Variants in TBCK observed in about 807,000 individuals in gnomAD.
TBCK encodes the protein TBC domain-containing protein kinase-like protein.
Under a neutral mutation model 113.4 loss-of-function variants are expected in TBCK, and 99 were observed. That is an observed-to-expected ratio of 0.87 (90% CI 0.74 to 1.03). TBCK has a LOEUF of 1.03. Among genes scored for constraint, TBCK ranks in the 50% least tolerant of loss-of-function variants. The pLI, the probability that TBCK is intolerant of heterozygous loss-of-function variation, is 0.00. For missense variants in TBCK, 1,045 were observed against 1,061.3 expected, an observed-to-expected ratio of 0.98 and a Z score of 0.21; for synonymous variants, 369 against 370.8, an observed-to-expected ratio of 1.00 and a Z score of 0.05.
intron 22 of TBCK, among the ~76,000 whole-genome samples, chr4:106,176,537 AATTC>A (rs1404100876): frequency 6.6e-6 from 1 of 152,000 alleles, no homozygotes; most frequent in Non-Finnish European, 1.5e-5. Context: ...GCTGAATGGT[AATTC>A]ATTGTGTTTT....
chr4:106,092,861 G>T (rs781083741), intron 25 of TBCK, among the ~76,000 whole-genome samples: 1 of 152,210 alleles, frequency 6.6e-6, no homozygotes, highest in Non-Finnish European at 1.5e-5. Flanking sequence ...CGAGCTGAAG[G>T]GCTCCTCAAG....
intron 2 of TBCK, among the ~76,000 whole-genome samples, chr4:106,308,258 T>C (rs1312724958): frequency 6.6e-6 from 1 of 152,136 alleles, no homozygotes; most frequent in Non-Finnish European, 1.5e-5. Context: ...AAGGTCCTTA[T>C]CCTCAAGAAC....
rs1348999663 is a variant in TBCK at position 106,043,732 on chromosome 4, T to C, written c.*2838A>G. ...AAGAGTTAATAAGTGTGTTTATGAA[T>C]GTGAGTGTGTGTGTGTGTGTGTGTG... is the stretch of plus-strand genomic sequence containing the variant. On this transcript the variant is annotated 3_prime_UTR_variant, in exon 26 of 26. Transcript: ENST00000394708. 1.5e-5 allele frequency: 2 copies of C among 137,664 alleles called. No homozygotes were observed. The highest frequency in any genetic ancestry group is 2.7e-5 in the African/African-American group (1 of 37,242). 8.5% of individuals were successfully genotyped at this position (137,664 alleles called of 1,614,324 possible). A position where few individuals can be genotyped will look rare whatever the true frequency, so the allele number is the denominator to read the frequency against.
chr4:106,177,442 A>G (rs1751810439), intron 22 of TBCK, among the ~76,000 whole-genome samples: 1 of 151,806 alleles, frequency 6.6e-6, no homozygotes, highest in Admixed American at 6.6e-5. Context: ...CATTTCCACA[A>G]CGTGGTCTAG....
intron 1 of TBCK, among the ~76,000 whole-genome samples, chr4:106,311,870 T>C (rs568358885): frequency 3.4e-4 from 51 of 152,176 alleles, no homozygotes; most frequent in Non-Finnish European, 5.7e-4. Context: ...GAAAAAGATA[T>C]TCATATAAAA....
At chr4:106,195,128 G>T (rs1176129694) in intron 20 of TBCK, among the ~76,000 whole-genome samples, 1 of 151,964 alleles carries the variant, frequency 6.6e-6, no homozygotes, top group African/African-American at 2.4e-5. Context: ...ACCTCTTCTG[G>T]CTTGGGGGCT....
At chr4:106,194,635 A>C (rs1754009389) in intron 21 of TBCK, 83 bp downstream of exon 21, 1 of 1,055,604 alleles carries the variant, frequency 9.5e-7, no homozygotes, top group Non-Finnish European at 1.4e-6. Flanking sequence ...GCTCAATGTT[A>C]TTGTAAATAT....
chr4:106,263,181 T>C (rs532950747), intron 3 of TBCK, among the ~76,000 whole-genome samples: 1 of 151,970 alleles, frequency 6.6e-6, no homozygotes, highest in South Asian at 2.1e-4. Context: ...TTCTATCCAT[T>C]TTTTTTAAAT....
chr4:106,235,330 G>C lies in TBCK; in HGVS notation c.1388C>G (p.Ala463Gly). 6.2e-7 allele frequency: 1 copy of C among 1,610,344 alleles called. No individual in the cohort carries two copies. Among genetic ancestry groups the C allele is most frequent in the South Asian group, 1.1e-5 (1 of 90,746 alleles). The change falls in exon 15 of 26, where the codon GCA becomes GGA. Residue 463 changes from alanine (A) to glycine (G), a missense_variant. Ala to Gly is a moderately conservative substitution (Grantham distance 60, BLOSUM62 0). Transcript: ENST00000394708. Reference sequence around the variant, plus strand: ...CATAAGAGGAGGAATGTCAACTCTTGCTTCTTTCCAGATTTGGTTTTTTTT... The same window carrying C: ...CATAAGAGGAGGAATGTCAACTCTTCCTTCTTTCCAGATTTGGTTTTTTTT... ...PYKKNQIWKE[A>G]RVDIPPLMRG...
intron 25 of TBCK, among the ~76,000 whole-genome samples, chr4:106,061,225 C>T (rs1319005280): frequency 6.6e-6 from 1 of 151,734 alleles, no homozygotes; most frequent in Non-Finnish European, 1.5e-5. Flanking sequence ...GCACTGCATG[C>T]TACAGAGAAA....
chr4:106,141,176 A>T (rs1370530650), intron 23 of TBCK, among the ~76,000 whole-genome samples: 1 of 139,020 alleles, frequency 7.2e-6, no homozygotes, highest in Non-Finnish European at 1.6e-5. Flanking sequence ...TCTAGAGAAA[A>T]AGGTGAAGCA....
intron 23 of TBCK, among the ~76,000 whole-genome samples, chr4:106,166,483 T>G (rs1750383500): frequency 6.6e-6 from 1 of 151,732 alleles, no homozygotes; most frequent in Non-Finnish European, 1.5e-5. Context: ...CAACTTTTAT[T>G]TTAGATTTAG....
At position 106,212,760 on chromosome 4, in the gene TBCK, A is replaced by T; in HGVS notation, c.1850T>A (p.Phe617Tyr). Residue 617 changes from phenylalanine (F) to tyrosine (Y), a missense_variant, in exon 20 of 26, where the codon TTC becomes TAC. By Grantham distance (22) the Phe-to-Tyr change is conservative. Coordinates refer to ENST00000394708, the MANE Select transcript of TBCK (RefSeq NM_001163435.3). The part of the protein sequence containing the change: ...ELSNHLNEIG[F>Y]IPDLYAIPWF... Reference sequence around the variant, plus strand: ...GCACCAAGTACTTACATCTGGAATGAAACCAATCTCATTGAGATGATTACT... The same window carrying T: ...GCACCAAGTACTTACATCTGGAATGTAACCAATCTCATTGAGATGATTACT... The T allele has an allele frequency of 1.2e-6, 2 of 1,609,680 alleles. No homozygotes were observed. The highest frequency in any genetic ancestry group is 1.7e-6 in the Non-Finnish European group (2 of 1,177,034).
At chr4:106,251,746 C>A in intron 6 of TBCK, 120 bp downstream of exon 6, 1 of 927,548 alleles carries the variant, frequency 1.1e-6, no homozygotes, top group Non-Finnish European at 1.5e-6. Context: ...TAAGCCTTTT[C>A]TCCTCATATG....
At chr4:106,298,469 G>C (rs1766552140) in intron 2 of TBCK, among the ~76,000 whole-genome samples, 1 of 151,814 alleles carries the variant, frequency 6.6e-6, no homozygotes, top group Admixed American at 6.6e-5. Context: ...AAATTAGCCA[G>C]GCGTGGTGGC....
Position 106,044,580 on chromosome 4 carries a change from T to TG in TBCK, c.*1989_*1990insC, listed in dbSNP as rs1289526123. 3.9e-5 allele frequency: 6 copies of TG among 152,160 alleles called. No homozygotes were observed. Among genetic ancestry groups the TG allele is most frequent in the African/African-American group, 1.2e-4 (5 of 41,440 alleles). The allele number at this position is 152,160 out of a possible 1,614,324, so 9.4% of individuals were successfully genotyped here. A position where few individuals can be genotyped will look rare whatever the true frequency, so the allele number is the denominator to read the frequency against. On this transcript the variant is annotated 3_prime_UTR_variant, in exon 26 of 26. Coordinates refer to ENST00000394708, the MANE Select transcript of TBCK (RefSeq NM_001163435.3). ...CAGGAGGGGTCCTGGGACAACTGGA[T>TG]ACTCATATGCAAGAATGAACCTGGA...
rs143443358 is a variant in TBCK, at chr4:106,101,210, G to T, written c.2412-5569C>A. 2.6e-3 allele frequency among the ~76,000 whole-genome samples: 400 copies of T among 152,222 alleles called. 2 individuals carry two copies. Among genetic ancestry groups the T allele is most frequent in the African/African-American group, 9.4e-3 (390 of 41,542 alleles). On this transcript the variant is annotated intron_variant, in intron 24 of 25. Transcript: ENST00000394708. ...TGAATGAGACTGTATGGCACTCTAG[G>T]AACTGGGGTCATGGATGGTTCTCAC...
chr4:106,098,282 T>G (rs1286848180), intron 24 of TBCK, among the ~76,000 whole-genome samples: 1 of 152,104 alleles, frequency 6.6e-6, no homozygotes, highest in Admixed American at 6.5e-5. Context: ...ATGAGTGTAA[T>G]ACTCAACAGT....
chr4:106,307,250 CCTTGA>C, intron 2 of TBCK, among the ~76,000 whole-genome samples: 1 of 152,116 alleles, frequency 6.6e-6, no homozygotes, highest in South Asian at 2.1e-4. Flanking sequence ...TAATTGTGAA[CCTTGA>C]CTTAATTGCT....
Sources: allele counts gnomAD v4.1 joint callset (sites outside exome capture counted in the v4.1 genomes callset), GRCh38; gene constraint gnomAD v4.1.1; transcripts MANE v1.5; gene names NCBI Gene and HGNC (gene_info 2026-07-23, HGNC 2026-07-21).